The following GLCCI1 variants were observed in gnomAD, a reference collection of about 807,000 sequenced individuals.
GLCCI1 encodes glucocorticoid-induced transcript 1 protein.
A neutral mutation model predicts 52.2 loss-of-function variants in GLCCI1; 24 were observed. The ratio of observed to expected loss-of-function variants is 0.46; its 90% confidence interval spans 0.33 to 0.65. The LOEUF (loss-of-function observed/expected upper bound fraction) is 0.65, where lower values mean the gene tolerates loss of function less well. GLCCI1 is among the 30% of genes least tolerant of loss of function. The pLI is 0.02. For missense variants in GLCCI1, 704 were observed against 701.5 expected (o/e 1.00, Z -0.04); for synonymous variants, 310 against 276.5 (o/e 1.12, Z -1.20).
At chr7:7,992,520 TGAA>T (rs1780861795) in intron 1 of GLCCI1, among the ~76,000 whole-genome samples, 1 of 152,144 alleles carries the variant, frequency 6.6e-6, no homozygotes, top group Non-Finnish European at 1.5e-5. Flanking sequence ...CCTTTATACT[TGAA>T]GGTCACTTTA....
At chr7:8,053,006 T>TTATTTATG (rs755041351) in intron 3 of GLCCI1, among the ~76,000 whole-genome samples, 18 of 11,132 alleles carry the variant, frequency 1.6e-3, no homozygotes, top group African/African-American at 6.5e-3. Context: ...TGGTTTTGTA[T>TTATTTATG]TATTTATTTA....
intron 5 of GLCCI1, among the ~76,000 whole-genome samples, chr7:8,061,454 C>T (rs1377550293): frequency 1.3e-5 from 2 of 151,874 alleles, no homozygotes; most frequent in Non-Finnish European, 2.9e-5. Context: ...GATCTTTTGC[C>T]CCATTTTAAA....
At chr7:8,052,966 G>A (rs1782291665) in intron 3 of GLCCI1, among the ~76,000 whole-genome samples, 1 of 152,070 alleles carries the variant, frequency 6.6e-6, no homozygotes, top group East Asian at 1.9e-4. Context: ...AGGCAAAAGT[G>A]CACAACCAGT....
intron 1 of GLCCI1, chr7:7,981,908 CAAG>C (rs1364741554): frequency 2.2e-6 from 1 of 462,242 alleles, no homozygotes. Context: ...GTAAAAATCA[CAAG>C]AAGAAAACCC....
At chr7:7,971,529 G>A (rs1780353020) in intron 1 of GLCCI1, among the ~76,000 whole-genome samples, 1 of 152,206 alleles carries the variant, frequency 6.6e-6, no homozygotes, top group South Asian at 2.1e-4. Context: ...TGTGTACAGA[G>A]GGTCTGGTGG....
At chr7:8,045,963 CA>C (rs34250934) in intron 3 of GLCCI1, among the ~76,000 whole-genome samples, 40 of 144,466 alleles carry the variant, frequency 2.8e-4, no homozygotes, top group Non-Finnish European at 3.6e-4. Flanking sequence ...ACCACAATTC[CA>C]AAAAAAAAAA....
At chr7:8,043,416 G>T in intron 3 of GLCCI1, among the ~76,000 whole-genome samples, 1 of 152,004 alleles carries the variant, frequency 6.6e-6, no homozygotes, top group Non-Finnish European at 1.5e-5. Context: ...CATATGACAG[G>T]CTAGATATGG....
At chr7:7,978,501 T>C (rs978259998) in intron 1 of GLCCI1, among the ~76,000 whole-genome samples, 1 of 152,176 alleles carries the variant, frequency 6.6e-6, no homozygotes, top group African/African-American at 2.4e-5. Flanking sequence ...TTAATCTCTA[T>C]TTTAATAATT....
intron 2 of GLCCI1, among the ~76,000 whole-genome samples, chr7:8,013,517 C>T (rs953832755): frequency 1.3e-5 from 2 of 151,914 alleles, no homozygotes; most frequent in African/African-American, 4.8e-5. Flanking sequence ...GCTAGTCTTG[C>T]GTATTTATTT....
chr7:8,040,688 A>G (rs1239814114), intron 3 of GLCCI1, among the ~76,000 whole-genome samples: 2 of 152,190 alleles, frequency 1.3e-5, no homozygotes, highest in African/African-American at 4.8e-5. Context: ...CTAGTTTCTC[A>G]AAAAGGTAAA....
At chr7:8,049,888 T>G (rs1782219112) in intron 3 of GLCCI1, among the ~76,000 whole-genome samples, 1 of 152,256 alleles carries the variant, frequency 6.6e-6, no homozygotes, top group African/African-American at 2.4e-5. Context: ...TGAGTTTTTC[T>G]CATCTGCAGT....
chr7:8,041,523 T>C (rs1781998345), intron 3 of GLCCI1, among the ~76,000 whole-genome samples: 1 of 152,210 alleles, frequency 6.6e-6, no homozygotes, highest in African/African-American at 2.4e-5. Context: ...AGGACTTTCA[T>C]AGCTGGAGAG....
At chr7:8,070,657 G>C (rs917108239) in intron 5 of GLCCI1, 3 of 320,080 alleles carry the variant, frequency 9.4e-6, no homozygotes, top group Non-Finnish European at 1.7e-5. Context: ...TCCTTGAAGA[G>C]TTTTGTGGGA....
At position 8,036,931 on chromosome 7, in the gene GLCCI1, G is replaced by T. The variant is rs1781880331; in HGVS notation, c.696+14362G>T. 2.6e-5 allele frequency among the ~76,000 whole-genome samples: 4 copies of T among 152,126 alleles called. No homozygotes were observed. The South Asian group carries it at 8.3e-4, about 32-fold the overall frequency. On this transcript the variant is annotated intron_variant, in intron 3 of 7. Coordinates refer to ENST00000223145, the MANE Select transcript of GLCCI1 (RefSeq NM_138426.4). The stretch of plus-strand genomic sequence containing the variant: ...CTCCAAACCTTGTCATAGGGAGAAG[G>T]TTTCTTCCTGAGGGAGAAGAAAAAG...
chr7:8,018,787 G>T (rs555998934), intron 2 of GLCCI1, among the ~76,000 whole-genome samples: 1 of 152,158 alleles, frequency 6.6e-6, no homozygotes, highest in South Asian at 2.1e-4. Context: ...TCTTTTAAAT[G>T]ATGGTATGAT....
In GLCCI1 at chr7:7,969,609, G is replaced by A. The variant is rs1387183156; in HGVS notation, c.259G>A (p.Ala87Thr). The A allele has an allele frequency of 3.9e-6, 4 of 1,028,806 alleles. No homozygotes were observed. Among genetic ancestry groups the A allele is most frequent in the South Asian group, 7.2e-5 (2 of 27,802 alleles). The allele number at this position is 1,028,806 out of a possible 1,614,324, so 63.7% of individuals were successfully genotyped here. The change falls in exon 1 of 8, where the codon GCT (alanine) becomes ACT (threonine). Residue 87 changes from alanine to threonine, a missense_variant. Ala to Thr is a moderately conservative substitution (Grantham distance 58). Transcript: ENST00000223145. This position sits in a 1 kb window ranked among gnomAD's most constrained non-coding sequence, Gnocchi z 4.9. ...CAGTCCCACGCGTCCGCCCGTCGCC[G>A]CTGCCGCCGCCTCGCTGGGCAGCCT... is the stretch of plus-strand genomic sequence containing the variant. ...QHSPTRPPVA[A>T]AAASLGSLPG...
chr7:7,998,176 GTTTTT>G (rs71014742), intron 1 of GLCCI1, among the ~76,000 whole-genome samples: 2 of 143,682 alleles, frequency 1.4e-5, no homozygotes, highest in African/African-American at 5.0e-5. Flanking sequence ...AGTTTTTTTT[GTTTTT>G]TTTTTTTTTT....
intron 2 of GLCCI1, among the ~76,000 whole-genome samples, chr7:8,014,709 G>T (rs1781340765): frequency 6.6e-6 from 1 of 152,096 alleles, no homozygotes; most frequent in Non-Finnish European, 1.5e-5. Flanking sequence ...TTTTTGGATT[G>T]TAGCACTTTA....
chr7:8,008,940 A>G (rs981830296), intron 2 of GLCCI1, among the ~76,000 whole-genome samples: 4 of 152,088 alleles, frequency 2.6e-5, no homozygotes, highest in African/African-American at 9.7e-5. Context: ...TATTAGTAAA[A>G]TGTTAAAAAA....
Sources: gnomAD v4.1 joint callset for allele counts (sites outside exome capture counted in the v4.1 genomes callset) on GRCh38, gnomAD v4.1.1 for gene constraint, Gnocchi (gnomAD v3.1) non-coding constraint, MANE v1.5 for transcripts, NCBI Gene and HGNC (gene_info 2026-07-23, HGNC 2026-07-21) for gene names.